Variants in CR1 observed in about 807,000 individuals in gnomAD.
CR1 encodes the protein complement receptor type 1.
Under a neutral mutation model 187.3 loss-of-function variants are expected in CR1, and 116 were observed. That is an observed-to-expected ratio of 0.62 (90% confidence interval 0.53 to 0.72). The LOEUF (loss-of-function observed/expected upper bound fraction) is 0.72. CR1 is among the 30% of genes least tolerant of loss of function. The probability of loss-of-function intolerance (pLI) is 0.00; values close to 1 mark genes in which losing one functional copy is unlikely to be tolerated. For synonymous variants in CR1, 576 were observed against 747.1 expected (o/e 0.77, Z 3.73); for missense variants, 1,731 against 2,110.7 (o/e 0.82, Z 3.52).
At position 207,575,972 on chromosome 1, in the gene CR1, T is replaced by C. The variant is rs148909121; in HGVS notation, c.4537+292T>C. Among the ~76,000 whole-genome samples, 232 of 152,350 alleles carry C rather than the reference T, an allele frequency of 1.5e-3. 1 individual carries two copies. The highest frequency in any genetic ancestry group is 4.3e-3 in the African/African-American group (180 of 41,572). ...AGCACCTCGCAGTTTGAAGAGCATTTTGTTTAGTGAAGTCAACAAATACAA... is the reference window on the plus strand; with the variant it reads ...AGCACCTCGCAGTTTGAAGAGCATTCTGTTTAGTGAAGTCAACAAATACAA... On this transcript the variant is annotated intron_variant, in intron 28 of 46. Coordinates refer to ENST00000367049, the MANE Select transcript of CR1 (RefSeq NM_000651.6).
intron 39 of CR1, 142 bp from the exon 40 acceptor site, chr1:207,614,262 A>T: frequency 1.6e-6 from 1 of 629,094 alleles, no homozygotes; most frequent in Non-Finnish European, 2.8e-6. Flanking sequence ...ATGAACTAAG[A>T]CTTTTAGCTG....
chr1:207,599,772 G>A (rs1391534393), intron 35 of CR1, among the ~76,000 whole-genome samples: 2 of 152,190 alleles, frequency 1.3e-5, no homozygotes, highest in African/African-American at 4.8e-5. Context: ...CAAATTTGGA[G>A]GAGATATCCT....
chr1:207,521,865 C>T (rs556791747), intron 4 of CR1, among the ~76,000 whole-genome samples: 30 of 146,696 alleles, frequency 2.0e-4, no homozygotes, highest in Admixed American at 8.2e-4. Context: ...GACAGGGTTT[C>T]GCCATGTTGC....
chr1:207,585,654 G>C (rs764981976), intron 33 of CR1, among the ~76,000 whole-genome samples: 2 of 152,198 alleles, frequency 1.3e-5, no homozygotes, highest in African/African-American at 4.8e-5. Context: ...AGCCAGCCAA[G>C]GTGAAAAGAC....
In CR1 at chr1:207,567,921, C is replaced by G. The variant is rs374989718; in HGVS notation, c.4050C>G (p.Cys1350Trp). The G allele has an allele frequency of 6.2e-7, 1 of 1,610,522 alleles. No homozygotes were observed. Among genetic ancestry groups the G allele is most frequent in the Non-Finnish European group, 8.5e-7 (1 of 1,179,630 alleles). ...TTGGAAAAGCAGTAAATTACACATG[C>G]GACCCCCACCCAGACAGAGGGACGA... is the stretch of plus-strand genomic sequence containing the variant. ...FPFGKAVNYT[C>W]DPHPDRGTSF... Residue 1350 changes from cysteine to tryptophan, a missense_variant, in exon 25 of 47, where the codon TGC becomes TGG. Cys to Trp is a radical substitution (Grantham distance 215, BLOSUM62 -2). This residue lies in a region of CR1 where 1,312 missense variants were observed against 1,379.6 expected (regional missense o/e 0.95). Coordinates refer to ENST00000367049, the MANE Select transcript of CR1 (RefSeq NM_000651.6).
intron 4 of CR1, among the ~76,000 whole-genome samples, chr1:207,518,599 A>T (rs975748874): frequency 2.6e-5 from 4 of 152,286 alleles, no homozygotes; most frequent in Admixed American, 1.3e-4. Flanking sequence ...TCCATCTGCA[A>T]GCTGTTCTGT....
intron 2 of CR1, 103 bp downstream of exon 2, chr1:207,506,186 T>A: frequency 7.4e-7 from 1 of 1,352,848 alleles, no homozygotes; most frequent in South Asian, 1.4e-5. Flanking sequence ...ACAATTAGTT[T>A]GCCAAGGTGC....
chr1:207,544,617 C>T (rs1458102623), intron 13 of CR1, among the ~76,000 whole-genome samples: 1 of 111,536 alleles, frequency 9.0e-6, no homozygotes, highest in African/African-American at 3.9e-5. Flanking sequence ...GCCTGAGATG[C>T]CGTTACAATA....
intron 4 of CR1, 39 bp downstream of exon 4, chr1:207,511,693 C>A (rs1214634120): frequency 6.3e-7 from 1 of 1,574,940 alleles, no homozygotes; most frequent in South Asian, 1.1e-5. Flanking sequence ...TTTACCGACA[C>A]ATTCTAATTT....
At chr1:207,620,296 G>A (rs1009551749) in intron 43 of CR1, among the ~76,000 whole-genome samples, 1 of 152,082 alleles carries the variant, frequency 6.6e-6, no homozygotes, top group African/African-American at 2.4e-5. Context: ...ATCACTTTGT[G>A]GTTGCATGAG....
intron 35 of CR1, among the ~76,000 whole-genome samples, chr1:207,592,445 C>T (rs1661298956): frequency 6.6e-6 from 1 of 152,134 alleles, no homozygotes; most frequent in African/African-American, 2.4e-5. Flanking sequence ...GAATATGTCC[C>T]AAAATAATAG....
chr1:207,520,968 G>GT (rs141546660), intron 4 of CR1, among the ~76,000 whole-genome samples: 1,542 of 44,642 alleles, frequency 0.035, 137 homozygotes, highest in East Asian at 0.19. Flanking sequence ...TTTTTTGGTT[G>GT]TTTTTTTTTT....
chr1:207,596,680 TG>T (rs771285047), intron 35 of CR1, among the ~76,000 whole-genome samples: 113 of 150,636 alleles, frequency 7.5e-4, no homozygotes, highest in South Asian at 1.5e-3. Context: ...AAAGAATTCT[TG>T]AGACCAAAAA....
At chr1:207,510,756 T>TCCTTCCTTCCTCCCTC (rs1157242928) in intron 3 of CR1, among the ~76,000 whole-genome samples, 1 of 151,242 alleles carries the variant, frequency 6.6e-6, no homozygotes, top group African/African-American at 2.4e-5. Context: ...TTTCCTTCCT[T>TCCTTCCTTCCTCCCTC]CCTTCCTTCC....
At chr1:207,510,798 C>G (rs1354143733) in intron 3 of CR1, among the ~76,000 whole-genome samples, 4 of 147,672 alleles carry the variant, frequency 2.7e-5, no homozygotes, top group African/African-American at 7.5e-5. Context: ...TTCTTTCCTT[C>G]TTTGCTTTCT....
At chr1:207,623,759 C>G (rs1040832486) in intron 45 of CR1, among the ~76,000 whole-genome samples, 2 of 152,060 alleles carry the variant, frequency 1.3e-5, no homozygotes, top group African/African-American at 4.8e-5. Flanking sequence ...ACACTGACCT[C>G]TAAGCCCAGA....
In CR1 at chr1:207,568,041, G is replaced by A. The variant is rs188176335; in HGVS notation, c.4170G>A (p.Leu1390=). The stretch of plus-strand genomic sequence containing the variant: ...GCCCTGCCCCTCGCTGTGGAATTCT[G>A]GGTTAGTGCTCATTTCCCCACATCC... The part of the protein sequence containing the change: ...WSSPAPRCGI[L]GHCQAPDHFL... Residue 1390 remains leucine (L), a splice_region_variant and synonymous_variant, in exon 25 of 47, where the codon CTG becomes CTA. Coordinates refer to ENST00000367049, the MANE Select transcript of CR1 (RefSeq NM_000651.6). The A allele has an allele frequency of 6.2e-7, 1 of 1,610,774 alleles. No homozygotes were observed. Among genetic ancestry groups the A allele is most frequent in the East Asian group, 2.2e-5 (1 of 44,878 alleles).
intron 4 of CR1, among the ~76,000 whole-genome samples, chr1:207,514,793 C>T (rs1659731822): frequency 1.3e-5 from 2 of 151,922 alleles, no homozygotes; most frequent in South Asian, 4.1e-4. Context: ...CTATGACAGT[C>T]TTATAAAGCC....
intron 1 of CR1, among the ~76,000 whole-genome samples, chr1:207,502,978 C>T (rs1659319105): frequency 6.6e-6 from 1 of 152,206 alleles, no homozygotes; most frequent in Non-Finnish European, 1.5e-5. Flanking sequence ...AGCATAGGCT[C>T]ATTCCAAGCT....
Sources: allele counts gnomAD v4.1 joint callset (sites outside exome capture counted in the v4.1 genomes callset), GRCh38; gene constraint gnomAD v4.1.1; regional missense constraint gnomAD v4.1.1; transcripts MANE v1.5; gene names NCBI Gene and HGNC (gene_info 2026-07-23, HGNC 2026-07-21).